The following MNDA variants were observed in gnomAD, a reference collection of about 807,000 sequenced individuals.
MNDA encodes epididymis secretory sperm binding protein.
Under a neutral mutation model 37.8 loss-of-function variants are expected in MNDA, and 43 were observed. The observed-to-expected ratio is 1.14, with a 90% confidence interval of 0.89 to 1.47. MNDA has a LOEUF of 1.47. MNDA is among the 40% of genes most tolerant of loss of function. The pLI is 0.00. For synonymous variants in MNDA, 181 were observed against 169.0 expected, an observed-to-expected ratio of 1.07 and a Z score of -0.55; for missense variants, 536 against 476.0, an observed-to-expected ratio of 1.13 and a Z score of -1.17.
Position 158,831,562 on chromosome 1 carries a change from G to C in MNDA, c.-21+5G>C, listed in dbSNP as rs1172609276. On this transcript the variant is annotated splice_donor_5th_base_variant and intron_variant, in intron 1 of 6. Coordinates refer to ENST00000368141, the MANE Select transcript of MNDA (RefSeq NM_002432.3). ...GTGGAAGAAGCATCCATTAAGGTGA[G>C]ATTTCTGGGAAGTTCTTTAGAGAAA... The C allele has an allele frequency of 6.6e-6, 1 of 152,160 alleles. No homozygotes were observed. The highest frequency in any genetic ancestry group is 1.5e-5 in the Non-Finnish European group (1 of 68,022). The allele number at this position is 152,160 out of a possible 1,614,324, so 9.4% of individuals were successfully genotyped here.
chr1:158,837,610 T>C lies in MNDA; in HGVS notation c.-20-4524T>C, dbSNP rs982420310. 2.0e-5 allele frequency among the ~76,000 whole-genome samples: 3 copies of C among 151,838 alleles called. 1 individual carries two copies. ...CCTTACATCTGTAAAATGAGCCTCTTGTATGCAACATATACTTGGATCCCC... is the reference window on the plus strand; with the variant it reads ...CCTTACATCTGTAAAATGAGCCTCTCGTATGCAACATATACTTGGATCCCC... On this transcript the variant is annotated intron_variant, in intron 1 of 6. Coordinates refer to ENST00000368141, the MANE Select transcript of MNDA (RefSeq NM_002432.3).
At chr1:158,839,887 A>G (rs944231871) in intron 1 of MNDA, among the ~76,000 whole-genome samples, 2 of 152,172 alleles carry the variant, frequency 1.3e-5, no homozygotes, top group African/African-American at 2.4e-5. Context: ...CTTGTCTGCA[A>G]TCTTGCTAAT....
rs76758813 is a variant in MNDA at position 158,833,762 on chromosome 1, C to G, written c.-21+2205C>G. Among the ~76,000 whole-genome samples the G allele has an allele frequency of 3.4e-4, 51 of 152,234 alleles. 1 individual carries two copies. The East Asian group carries it at 8.7e-3, about 26-fold the overall frequency. ...TTATTCATTCATCCATTGAAGGACA[C>G]TTGTAATACTTTCACATTTTTCTGT... On this transcript the variant is annotated intron_variant, in intron 1 of 6. Transcript: ENST00000368141.
At chr1:158,846,132 C>A in intron 5 of MNDA, 129 bp downstream of exon 5, 1 of 906,936 alleles carries the variant, frequency 1.1e-6, no homozygotes, top group Non-Finnish European at 1.6e-6. Flanking sequence ...ATGAAGTTGT[C>A]CCACAAAATA....
intron 1 of MNDA, among the ~76,000 whole-genome samples, chr1:158,836,514 T>C (rs1658917046): frequency 6.6e-6 from 1 of 151,992 alleles, no homozygotes; most frequent in Admixed American, 6.5e-5. Context: ...ATCCCACTTA[T>C]TGATGTATAA....
intron 1 of MNDA, among the ~76,000 whole-genome samples, chr1:158,836,227 T>C (rs1658913524): frequency 6.6e-6 from 1 of 151,998 alleles, no homozygotes; most frequent in Admixed American, 6.6e-5. Context: ...TGCATTGGAG[T>C]AATGCTGAGT....
At chr1:158,847,549 G>GA (rs971453650) in intron 5 of MNDA, among the ~76,000 whole-genome samples, 179 bp from the exon 6 acceptor site, 21 of 150,406 alleles carry the variant, frequency 1.4e-4, no homozygotes, top group South Asian at 2.1e-4. Context: ...CCTTAAGCAG[G>GA]AAAAAAAAAT....
Position 158,847,818 on chromosome 1 carries a change from A to C in MNDA, c.1078A>C (p.Lys360Gln). 1.9e-6 allele frequency: 3 copies of C among 1,613,960 alleles called. No individual in the cohort carries two copies. Among genetic ancestry groups the C allele is most frequent in the Non-Finnish European group, 1.7e-6 (2 of 1,179,824 alleles). Residue 360 changes from lysine to glutamine, a missense_variant, in exon 6 of 7, where the codon AAG becomes CAG. Lys to Gln is a moderately conservative substitution (Grantham distance 53). Coordinates refer to ENST00000368141, the MANE Select transcript of MNDA (RefSeq NM_002432.3). The part of the protein sequence containing the change: ...VVGSGKWHNI[K>Q]CEKGDKLRLF... ...GGGGAGTGGAAAATGGCACAATATC[A>C]AGTGTGAGAAAGGAGATAAACTTCG...
chr1:158,844,408 C>T (rs1659093014), intron 4 of MNDA, among the ~76,000 whole-genome samples: 1 of 151,294 alleles, frequency 6.6e-6, no homozygotes, highest in South Asian at 2.1e-4. Flanking sequence ...CATACAAGCC[C>T]ATGGCTCATC....
chr1:158,841,985 CA>C, intron 1 of MNDA, 148 bp from the exon 2 acceptor site: 1 of 628,186 alleles, frequency 1.6e-6, no homozygotes, highest in Admixed American at 3.0e-5. Context: ...CCATTGTTCA[CA>C]GTGACATATC....
At chr1:158,838,720 A>ATG (rs1304993194) in intron 1 of MNDA, among the ~76,000 whole-genome samples, 5 of 152,170 alleles carry the variant, frequency 3.3e-5, no homozygotes, top group Non-Finnish European at 7.4e-5. Context: ...CATAATGCAT[A>ATG]TATTGTCCCA....
At position 158,842,281 on chromosome 1, in the gene MNDA, A is replaced by G. The variant is rs1456827898; in HGVS notation, c.128A>G (p.Tyr43Cys). ...LGLTTKMQEEYNRIKITDLME... is the reference protein window; with the variant it reads ...LGLTTKMQEECNRIKITDLME... The stretch of plus-strand genomic sequence containing the variant: ...CTAACTACAAAAATGCAAGAGGAAT[A>G]CAACAGAATTAAGATTACAGATTTG... Residue 43 changes from tyrosine (Y) to cysteine (C), a missense_variant, in exon 2 of 7, where the codon TAC (tyrosine) becomes TGC (cysteine). Physicochemically the swap from Tyr to Cys is radical, Grantham distance 194. Transcript: ENST00000368141. 2 of 1,614,196 alleles carry G rather than the reference A, an allele frequency of 1.2e-6. No individual in the cohort carries two copies. The highest frequency in any genetic ancestry group is 2.2e-5 in the South Asian group (2 of 91,088).
At chr1:158,841,959 T>C (rs1301614592) in intron 1 of MNDA, among the ~76,000 whole-genome samples, 175 bp from the exon 2 acceptor site, 3 of 152,214 alleles carry the variant, frequency 2.0e-5, no homozygotes, top group African/African-American at 7.2e-5. Flanking sequence ...AACCTCCTAA[T>C]AAAGCAAGTC....
intron 1 of MNDA, among the ~76,000 whole-genome samples, chr1:158,834,991 C>G (rs1658879138): frequency 6.6e-6 from 1 of 152,118 alleles, no homozygotes; most frequent in Non-Finnish European, 1.5e-5. Context: ...GTCTTTATGC[C>G]AATACCACAC....
intron 1 of MNDA, among the ~76,000 whole-genome samples, chr1:158,841,676 G>A (rs910792589): frequency 7.9e-5 from 12 of 152,180 alleles, no homozygotes; most frequent in Admixed American, 6.5e-4. Context: ...TTCACATAAG[G>A]TGAGTGGCTG....
In MNDA at chr1:158,844,002, G is replaced by A; in HGVS notation, c.450G>A (p.Lys150=). The stretch of plus-strand genomic sequence containing the variant: ...AAAAGACTGAAGCCAAAAGGAATAA[G>A]GTGTCCCAAGAGCAGAGTAAGCCCC... ...NKEKTEAKRN[K]VSQEQSKPPG... Residue 150 remains lysine, a synonymous_variant, in exon 4 of 7, where the codon AAG becomes AAA. Transcript: ENST00000368141. The A allele has an allele frequency of 2.5e-6, 4 of 1,612,038 alleles. No homozygotes were observed. The East Asian group carries it at 8.9e-5, about 36-fold the overall frequency.
intron 1 of MNDA, among the ~76,000 whole-genome samples, chr1:158,834,967 T>C (rs1658878776): frequency 6.6e-6 from 1 of 152,234 alleles, no homozygotes; most frequent in Non-Finnish European, 1.5e-5. Context: ...CATATTCCAT[T>C]GTTCTTTATG....
intron 6 of MNDA, among the ~76,000 whole-genome samples, 157 bp from the exon 7 acceptor site, chr1:158,849,033 A>G (rs759837340): frequency 2.0e-5 from 3 of 152,126 alleles, no homozygotes; most frequent in Non-Finnish European, 4.4e-5. Context: ...TTGAAGGTAG[A>G]TCTTCATAAC....
In MNDA at chr1:158,847,892, G is replaced by A. The variant is rs960218849; in HGVS notation, c.1152G>A (p.Val384=). The A allele has an allele frequency of 1.1e-5, 17 of 1,613,788 alleles. No homozygotes were observed. Among genetic ancestry groups the A allele is most frequent in the Non-Finnish European group, 1.4e-5 (17 of 1,179,844 alleles). ...CAGTTGACCGCAAGCTGAAACTGGTGTGTGGAAGTCACAGCTTCATCAAGG... is the reference window on the plus strand; with the variant it reads ...CAGTTGACCGCAAGCTGAAACTGGTATGTGGAAGTCACAGCTTCATCAAGG... ...LRTVDRKLKL[V]CGSHSFIKVI... Residue 384 remains valine, a synonymous_variant, in exon 6 of 7, where the codon GTG becomes GTA. Coordinates refer to ENST00000368141, the MANE Select transcript of MNDA (RefSeq NM_002432.3).
Sources: gnomAD v4.1 joint callset for allele counts (sites outside exome capture counted in the v4.1 genomes callset) on GRCh38, gnomAD v4.1.1 for gene constraint, MANE v1.5 for transcripts, NCBI Gene and HGNC (gene_info 2026-07-23, HGNC 2026-07-21) for gene names.